MECOM: variants seen among roughly 807,000 people sequenced by gnomAD.
The protein encoded by MECOM is MDS1 and EVI1 complex locus.
MECOM carries 13 observed loss-of-function variants against 116.3 expected under a neutral mutation model. The observed-to-expected ratio is 0.11, with a 90% CI of 0.07 to 0.18. The LOEUF (loss-of-function observed/expected upper bound fraction) is 0.18. MECOM is among the 10% of genes least tolerant of loss of function. The probability of loss-of-function intolerance (pLI) is 1.00; values close to 1 mark genes in which losing one functional copy is unlikely to be tolerated. For synonymous variants in MECOM, 528 were observed against 535.2 expected (o/e 0.99, Z 0.19); for missense variants, 1,299 against 1,509.0 (o/e 0.86, Z 2.31).
At chr3:169,630,944 CTT>C (rs1772006834) in intron 1 of MECOM, among the ~76,000 whole-genome samples, 1 of 152,218 alleles carries the variant, frequency 6.6e-6, no homozygotes, top group South Asian at 2.1e-4. Context: ...TCTCATGAGA[CTT>C]TGCCCAGCCT....
intron 2 of MECOM, among the ~76,000 whole-genome samples, chr3:169,164,183 G>A (rs1397783934): frequency 6.6e-6 from 1 of 152,066 alleles, no homozygotes; most frequent in Non-Finnish European, 1.5e-5. Context: ...GGACCCAGTG[G>A]GAGATGATTG....
chr3:169,662,002 C>A (rs1326761551), intron 1 of MECOM, among the ~76,000 whole-genome samples: 1 of 152,204 alleles, frequency 6.6e-6, no homozygotes, highest in Admixed American at 6.5e-5. Context: ...CGCTCCGGGG[C>A]TCAGTGTCCC....
chr3:169,562,606 C>G (rs1051233656), intron 1 of MECOM, among the ~76,000 whole-genome samples: 3 of 152,164 alleles, frequency 2.0e-5, no homozygotes, highest in Non-Finnish European at 2.9e-5. Flanking sequence ...TTTCCGCCTC[C>G]TGGAAGATAT....
chr3:169,660,727 G>T (rs889204910), intron 1 of MECOM, among the ~76,000 whole-genome samples: 1 of 152,192 alleles, frequency 6.6e-6, no homozygotes, highest in Non-Finnish European at 1.5e-5. Context: ...TTGGATGATT[G>T]CACCGCAGGG....
chr3:169,263,229 C>T (rs11718433), intron 2 of MECOM, among the ~76,000 whole-genome samples: 5,816 of 147,582 alleles, frequency 0.039, 176 homozygotes, highest in Non-Finnish European at 0.061. Context: ...CCCGGGTTCA[C>T]GCCATTCTCG....
At chr3:169,249,707 A>C (rs1253731254) in intron 2 of MECOM, among the ~76,000 whole-genome samples, 1 of 152,238 alleles carries the variant, frequency 6.6e-6, no homozygotes, top group Non-Finnish European at 1.5e-5. Flanking sequence ...CTTAGAACAC[A>C]GTTTAAAGCC....
intron 2 of MECOM, among the ~76,000 whole-genome samples, chr3:169,324,746 G>A (rs530915719): frequency 6.6e-6 from 1 of 152,206 alleles, no homozygotes; most frequent in South Asian, 2.1e-4. Flanking sequence ...TACAAGTGCA[G>A]GAAGAGACTG....
intron 2 of MECOM, among the ~76,000 whole-genome samples, chr3:169,156,804 G>A (rs1454224640): frequency 6.6e-6 from 1 of 152,078 alleles, no homozygotes; most frequent in East Asian, 1.9e-4. Flanking sequence ...GCATTATCTA[G>A]ATATGCATTT....
At chr3:169,428,886 GA>G (rs1185308375) in intron 1 of MECOM, among the ~76,000 whole-genome samples, 1 of 151,542 alleles carries the variant, frequency 6.6e-6, no homozygotes, top group African/African-American at 2.4e-5. Context: ...ACTGGGAAGG[GA>G]AAAAAATAAA....
intron 1 of MECOM, among the ~76,000 whole-genome samples, chr3:169,606,408 C>CAAA (rs774934955): frequency 5.4e-5 from 6 of 110,456 alleles, no homozygotes; most frequent in South Asian, 5.6e-4. Flanking sequence ...GTCTTCGTCT[C>CAAA]AAAAAAAAAA....
At chr3:169,426,450 T>C (rs1300553057) in intron 1 of MECOM, among the ~76,000 whole-genome samples, 1 of 152,176 alleles carries the variant, frequency 6.6e-6, no homozygotes, top group African/African-American at 2.4e-5. Flanking sequence ...CTCAGGCATG[T>C]CACCAGGAGA....
intron 1 of MECOM, among the ~76,000 whole-genome samples, chr3:169,647,988 C>T (rs138418087): frequency 1.2e-4 from 19 of 152,156 alleles, no homozygotes; most frequent in African/African-American, 4.6e-4. Flanking sequence ...TTGAGATGAT[C>T]ACGCCTAAGA....
chr3:169,144,385 A>G (rs1257076145), intron 2 of MECOM, among the ~76,000 whole-genome samples: 1 of 152,206 alleles, frequency 6.6e-6, no homozygotes, highest in Non-Finnish European at 1.5e-5. Context: ...ACAAATTAAA[A>G]TAATGAATTC....
chr3:169,119,772 G>T (rs1253049972), intron 7 of MECOM, among the ~76,000 whole-genome samples: 1 of 152,106 alleles, frequency 6.6e-6, no homozygotes, highest in Non-Finnish European at 1.5e-5. Context: ...GCGACAAGAA[G>T]TCTAAAATTT....
intron 2 of MECOM, among the ~76,000 whole-genome samples, chr3:169,265,445 G>A (rs778808498): frequency 7.2e-5 from 11 of 152,190 alleles, no homozygotes; most frequent in South Asian, 2.1e-4. Context: ...TATGTACTGC[G>A]ATTATTGTCT....
intron 2 of MECOM, among the ~76,000 whole-genome samples, chr3:169,236,811 A>G (rs370113876): frequency 2.1e-4 from 32 of 152,342 alleles, no homozygotes; most frequent in African/African-American, 6.7e-4. Context: ...AGAACCTTTG[A>G]CTTTGTGTGC....
chr3:169,537,950 C>CTGTT (rs1432867258), intron 1 of MECOM, among the ~76,000 whole-genome samples: 5 of 152,174 alleles, frequency 3.3e-5, no homozygotes, highest in Admixed American at 2.6e-4. Flanking sequence ...GAAGTATAAC[C>CTGTT]TGTTGGAGGC....
chr3:169,422,544 T>A (rs1179709155), intron 1 of MECOM, among the ~76,000 whole-genome samples: 1 of 152,138 alleles, frequency 6.6e-6, no homozygotes, highest in Non-Finnish European at 1.5e-5. Flanking sequence ...ACCCAAAAGC[T>A]TTTGTCTAAC....
intron 2 of MECOM, among the ~76,000 whole-genome samples, chr3:169,282,889 A>T: frequency 6.7e-6 from 1 of 149,080 alleles, no homozygotes; most frequent in East Asian, 1.9e-4. Flanking sequence ...ACAGTTCTTA[A>T]TTTTTTTTTT....
Sources: gnomAD v4.1 joint callset for allele counts (sites outside exome capture counted in the v4.1 genomes callset) on GRCh38, gnomAD v4.1.1 for gene constraint, MANE v1.5 for transcripts, NCBI Gene and HGNC (gene_info 2026-07-23, HGNC 2026-07-21) for gene names.